ARID1B: variants seen among roughly 807,000 people sequenced by gnomAD.
ARID1B encodes the protein AT-rich interactive domain-containing protein 1B.
Under a neutral mutation model 212.3 loss-of-function variants are expected in ARID1B, and 30 were observed. The observed-to-expected ratio is 0.14, with a 90% CI of 0.11 to 0.19. ARID1B has a LOEUF of 0.19. Among genes scored for constraint, ARID1B ranks in the 10% least tolerant of loss-of-function variants. The pLI is 1.00. For missense variants in ARID1B, 2,891 were observed against 3,204.0 expected (o/e 0.90, Z 2.36); for synonymous variants, 1,402 against 1,301.7 (o/e 1.08, Z -1.66).
chr6:157,141,473 C>G (rs573154643), intron 7 of ARID1B, among the ~76,000 whole-genome samples: 3 of 152,312 alleles, frequency 2.0e-5, no homozygotes, highest in Middle Eastern at 3.4e-3. Flanking sequence ...TTTATTCCCA[C>G]AAATAGGATT....
chr6:156,844,986 T>C (rs1457672443), intron 2 of ARID1B, among the ~76,000 whole-genome samples: 1 of 152,200 alleles, frequency 6.6e-6, no homozygotes, highest in Admixed American at 6.5e-5. Context: ...AGACTCTGAG[T>C]GAACAATTTT....
At chr6:156,852,755 A>AT (rs1269029634) in intron 2 of ARID1B, among the ~76,000 whole-genome samples, 1 of 152,198 alleles carries the variant, frequency 6.6e-6, no homozygotes, top group East Asian at 1.9e-4. Context: ...ACTCTATGCT[A>AT]TTTTAGACCT....
intron 4 of ARID1B, among the ~76,000 whole-genome samples, chr6:156,999,861 C>T (rs1778810930): frequency 6.6e-6 from 1 of 152,198 alleles, no homozygotes; most frequent in Admixed American, 6.5e-5. Context: ...AAAGCATGCC[C>T]AGGTTAGAAA....
At chr6:156,813,029 T>TAC (rs1395847174) in intron 1 of ARID1B, among the ~76,000 whole-genome samples, 1 of 138,344 alleles carries the variant, frequency 7.2e-6, no homozygotes, top group Admixed American at 7.4e-5. Flanking sequence ...CGTATGTATA[T>TAC]ACATATATAT....
intron 1 of ARID1B, among the ~76,000 whole-genome samples, chr6:156,782,630 A>T (rs567642284): frequency 1.3e-5 from 2 of 152,306 alleles, no homozygotes; most frequent in African/African-American, 2.4e-5. Flanking sequence ...GGAAGCTACA[A>T]ACTGGTTCCT....
chr6:157,106,056 C>G (rs1323751412), intron 5 of ARID1B, among the ~76,000 whole-genome samples: 1 of 152,156 alleles, frequency 6.6e-6, no homozygotes, highest in Non-Finnish European at 1.5e-5. Context: ...AATCCCACTT[C>G]AGGGAATTTT....
intron 8 of ARID1B, among the ~76,000 whole-genome samples, chr6:157,154,110 A>T (rs1790388959): frequency 6.6e-6 from 1 of 152,096 alleles, no homozygotes; most frequent in African/African-American, 2.4e-5. Context: ...AATACAACTG[A>T]TTGTGGATTT....
intron 4 of ARID1B, among the ~76,000 whole-genome samples, chr6:157,002,799 G>A (rs887888077): frequency 2.0e-5 from 3 of 152,222 alleles, no homozygotes; most frequent in Non-Finnish European, 4.4e-5. Context: ...AATTTAGTGG[G>A]AGAGAACATC....
chr6:157,105,394 A>G (rs1786386670), intron 5 of ARID1B, among the ~76,000 whole-genome samples: 1 of 151,916 alleles, frequency 6.6e-6, no homozygotes, highest in South Asian at 2.1e-4. Flanking sequence ...AACTAGGAGA[A>G]GATATTCACA....
intron 1 of ARID1B, among the ~76,000 whole-genome samples, chr6:156,813,090 ATACATACATATATATATATT>A (rs1231432306): frequency 1.9e-5 from 2 of 104,604 alleles, no homozygotes; most frequent in African/African-American, 4.0e-5. Context: ...ACGTATGTAT[ATACATACATATATATATATT>A]TTTTTTTTTT....
At chr6:157,074,894 G>A (rs1168795684) in intron 4 of ARID1B, among the ~76,000 whole-genome samples, 1 of 152,094 alleles carries the variant, frequency 6.6e-6, no homozygotes, top group East Asian at 1.9e-4. Flanking sequence ...GAGGTAGTAT[G>A]GTTGAGTGTA....
At chr6:156,901,755 G>A (rs774217331) in intron 3 of ARID1B, 2 of 588,256 alleles carry the variant, frequency 3.4e-6, no homozygotes, top group African/African-American at 1.9e-5. Flanking sequence ...TTGCATTACT[G>A]GTTAGTGGCA....
At chr6:157,039,882 T>TTCCTTCCTTCCTTCCTTCCTTCCTTC (rs1554287391) in intron 4 of ARID1B, among the ~76,000 whole-genome samples, 1 of 67,230 alleles carries the variant, frequency 1.5e-5, no homozygotes, top group African/African-American at 5.4e-5. Context: ...CTTTCTTTTC[T>TTCCTTCCTTCCTTCCTTCCTTCCTTC]CTTCCTTCCT....
At chr6:157,081,711 A>G (rs898020947) in intron 4 of ARID1B, among the ~76,000 whole-genome samples, 3 of 152,176 alleles carry the variant, frequency 2.0e-5, no homozygotes, top group Admixed American at 2.0e-4. Context: ...CACTTTTTAA[A>G]CCATAATATG....
intron 5 of ARID1B, among the ~76,000 whole-genome samples, chr6:157,090,336 T>C (rs1444667624): frequency 6.6e-6 from 1 of 152,222 alleles, no homozygotes; most frequent in Non-Finnish European, 1.5e-5. Flanking sequence ...GTTTTATTAA[T>C]GAAGATCTAA....
At position 157,148,855 on chromosome 6, in the gene ARID1B, G is replaced by A; in HGVS notation, c.2993G>A (p.Gly998Glu). 3 of 1,612,930 alleles carry A rather than the reference G, an allele frequency of 1.9e-6. No homozygotes were observed. Among genetic ancestry groups the A allele is most frequent in the Non-Finnish European group, 2.5e-6 (3 of 1,179,972 alleles). Residue 998 changes from glycine (G) to glutamate (E), a missense_variant, in exon 8 of 20, where the codon GGG becomes GAG. This residue lies in a region of ARID1B where 1,643 missense variants were observed against 1,544.0 expected (regional missense o/e 1.06). Transcript: ENST00000636930. The surrounding 1 kb of genome is among the most constrained non-coding windows in gnomAD (Gnocchi z 5.6). ...PSSPGMSQQG[G>E]PGMGPPMPTV... ...TCTCCTGGCATGTCTCAGCAGGGAG[G>A]GCCAGGAATGGGGCCGCCAATGCCA...
chr6:157,097,851 A>T (rs1414782370), intron 5 of ARID1B, among the ~76,000 whole-genome samples: 1 of 152,182 alleles, frequency 6.6e-6, no homozygotes, highest in Non-Finnish European at 1.5e-5. Flanking sequence ...AATCGGATCC[A>T]TGCTGCTGCA....
rs1777885931 is a variant in ARID1B at position 156,985,878 on chromosome 6, C to T, written c.2247+50302C>T. 2.0e-5 allele frequency among the ~76,000 whole-genome samples: 3 copies of T among 152,190 alleles called. No homozygotes were observed. The South Asian group carries it at 6.2e-4, about 32-fold the overall frequency. On this transcript the variant is annotated intron_variant, in intron 4 of 19. Coordinates refer to ENST00000636930, the MANE Select transcript of ARID1B (RefSeq NM_001374828.1). The stretch of plus-strand genomic sequence containing the variant: ...CTGCCTGGCTCATCTCGGATCAGGA[C>T]AACGCCTGCTTCTGGGTTTGTTGGA...
In ARID1B at chr6:157,208,813, TTA is replaced by T. The variant is rs1350980403; in HGVS notation, c.*928_*929del. The T allele has an allele frequency of 4.5e-6, 1 of 221,672 alleles. No homozygotes were observed. The highest frequency in any genetic ancestry group is 8.9e-6 in the Non-Finnish European group (1 of 112,064). The allele number at this position is 221,672 out of a possible 1,614,324, so 13.7% of individuals were successfully genotyped here. A position where few individuals can be genotyped will look rare whatever the true frequency, so the allele number is the denominator to read the frequency against. ...ATTTAAATAATTTTTTATTTTTATT[TTA>T]TATATTTTTTCATTAGGGCCATATC... On this transcript the variant is annotated 3_prime_UTR_variant, in exon 20 of 20. Coordinates refer to ENST00000636930, the MANE Select transcript of ARID1B (RefSeq NM_001374828.1).
Sources: allele counts gnomAD v4.1 joint callset (sites outside exome capture counted in the v4.1 genomes callset), GRCh38; gene constraint gnomAD v4.1.1; regional missense constraint gnomAD v4.1.1; non-coding constraint Gnocchi (gnomAD v3.1); transcripts MANE v1.5; gene names NCBI Gene and HGNC (gene_info 2026-07-23, HGNC 2026-07-21).